GMDS: variants seen among roughly 807,000 people sequenced by gnomAD.
GMDS encodes GDP-mannose 4,6 dehydratase.
A neutral mutation model predicts 49.9 loss-of-function variants in GMDS; 20 were observed. The observed-to-expected ratio is 0.40, with a 90% CI of 0.28 to 0.58. The LOEUF (loss-of-function observed/expected upper bound fraction) is 0.58. Ranked by LOEUF, GMDS falls within the 20% of genes least tolerant of loss-of-function variation. The pLI, the probability that GMDS is intolerant of heterozygous loss-of-function variation, is 0.42. For synonymous variants in GMDS, 177 were observed against 178.6 expected, an observed-to-expected ratio of 0.99 and a Z score of 0.07; for missense variants, 362 against 481.4, an observed-to-expected ratio of 0.75 and a Z score of 2.32.
chr6:2,151,737 T>A (rs1043046471), intron 1 of GMDS, among the ~76,000 whole-genome samples: 1 of 152,140 alleles, frequency 6.6e-6, no homozygotes, highest in African/African-American at 2.4e-5. Context: ...TTCAATCAAT[T>A]TCTCATACTC....
At chr6:2,076,132 T>A (rs1399576183) in intron 4 of GMDS, among the ~76,000 whole-genome samples, 1 of 152,200 alleles carries the variant, frequency 6.6e-6, no homozygotes, top group East Asian at 1.9e-4. Flanking sequence ...GTCTGAGTTC[T>A]TTGTAGATTC....
chr6:1,968,149 A>C (rs994844076), intron 4 of GMDS, among the ~76,000 whole-genome samples: 1 of 152,254 alleles, frequency 6.6e-6, no homozygotes, highest in East Asian at 1.9e-4. Flanking sequence ...AACTATGTGA[A>C]ACTGAACAGA....
chr6:1,796,995 G>A (rs1442934350), intron 7 of GMDS, among the ~76,000 whole-genome samples: 5 of 152,190 alleles, frequency 3.3e-5, no homozygotes, highest in Non-Finnish European at 4.4e-5. Flanking sequence ...CATGACTGCT[G>A]TGTGCTCAAG....
In GMDS at chr6:2,080,201, T is replaced by C. The variant is rs146263291; in HGVS notation, c.345+35570A>G. On this transcript the variant is annotated intron_variant, in intron 4 of 10. Transcript: ENST00000380815. ...AACTATCTCTTTGGCAAATTTTTCA[T>C]TCATATCCTGCACTGTTTTTCTGAT... Among the ~76,000 whole-genome samples the C allele has an allele frequency of 3.2e-4, 49 of 152,346 alleles. No homozygotes were observed. The East Asian group carries it at 9.2e-3, about 29-fold the overall frequency.
chr6:1,885,421 T>G (rs1366629757), intron 7 of GMDS, among the ~76,000 whole-genome samples: 1 of 152,160 alleles, frequency 6.6e-6, no homozygotes, highest in Non-Finnish European at 1.5e-5. Flanking sequence ...AAGTGAAATG[T>G]TTAATCTGAA....
rs78627167 is a variant in GMDS at position 1,721,611 on chromosome 6, T to G, written c.987+4805A>C. On this transcript the variant is annotated intron_variant, in intron 9 of 10. Coordinates refer to ENST00000380815, the MANE Select transcript of GMDS (RefSeq NM_001500.4). ...CTCTGCAGAAAAAAAAGGGACTTTT[T>G]GTTTGTTTGACTGAAAAAAATCTCT... Among the ~76,000 whole-genome samples, 881 of 152,298 alleles carry G rather than the reference T, an allele frequency of 5.8e-3. 30 individuals are homozygous for G. In the East Asian group the frequency reaches 0.1, roughly 18 times the overall value.
intron 7 of GMDS, among the ~76,000 whole-genome samples, chr6:1,754,146 A>G (rs906048414): frequency 2.6e-5 from 4 of 152,182 alleles, no homozygotes; most frequent in Non-Finnish European, 4.4e-5. Flanking sequence ...ATCCAGAATA[A>G]TAAAGAAGAA....
At chr6:1,714,235 G>T (rs1766090162) in intron 9 of GMDS, among the ~76,000 whole-genome samples, 1 of 152,084 alleles carries the variant, frequency 6.6e-6, no homozygotes, top group African/African-American at 2.4e-5. Flanking sequence ...AGTCAGGATG[G>T]TCTCGATCTC....
At chr6:1,949,151 A>C (rs2127273871) in intron 6 of GMDS, 1 of 276,412 alleles carries the variant, frequency 3.6e-6, no homozygotes, top group East Asian at 1.7e-4. Flanking sequence ...ATATGAAATA[A>C]ATCTTCAAAA....
chr6:1,671,607 T>TGTATAAG (rs1764427560), intron 9 of GMDS, among the ~76,000 whole-genome samples: 6 of 152,096 alleles, frequency 3.9e-5, no homozygotes, highest in Admixed American at 3.9e-4. Context: ...TCCCTAAGTA[T>TGTATAAG]GTATAAGATA....
chr6:1,819,622 G>A (rs765252366), intron 7 of GMDS, among the ~76,000 whole-genome samples: 3 of 151,758 alleles, frequency 2.0e-5, no homozygotes, highest in Non-Finnish European at 4.4e-5. Context: ...TTAGCCAGGC[G>A]TGGGGGCAGG....
At chr6:2,241,759 A>T (rs1213892034) in intron 1 of GMDS, among the ~76,000 whole-genome samples, 1 of 152,214 alleles carries the variant, frequency 6.6e-6, no homozygotes, top group East Asian at 1.9e-4. Context: ...TGCTGGTGCC[A>T]TGCTTCTTGT....
intron 1 of GMDS, among the ~76,000 whole-genome samples, chr6:2,160,452 C>G (rs1777339507): frequency 6.6e-6 from 1 of 152,210 alleles, no homozygotes; most frequent in African/African-American, 2.4e-5. Flanking sequence ...GGTCTGACAC[C>G]AAACTCCAAC....
chr6:1,765,420 A>G (rs1164248694), intron 7 of GMDS, among the ~76,000 whole-genome samples: 2 of 151,932 alleles, frequency 1.3e-5, no homozygotes, highest in African/African-American at 4.8e-5. Flanking sequence ...GGTCTGAAAA[A>G]CCCCTCGAGC....
At chr6:1,678,690 T>C (rs2113300981) in intron 9 of GMDS, among the ~76,000 whole-genome samples, 1 of 152,316 alleles carries the variant, frequency 6.6e-6, no homozygotes, top group Non-Finnish European at 1.5e-5. Context: ...ATATTTTAAC[T>C]TAAGATTCAG....
intron 7 of GMDS, among the ~76,000 whole-genome samples, chr6:1,916,877 T>C (rs1761431126): frequency 6.7e-6 from 1 of 149,570 alleles, no homozygotes. Flanking sequence ...TTCAAGCTTC[T>C]TCAGGTTTTT....
At chr6:1,830,385 C>A (rs1157626298) in intron 7 of GMDS, among the ~76,000 whole-genome samples, 1 of 152,188 alleles carries the variant, frequency 6.6e-6, no homozygotes, top group Non-Finnish European at 1.5e-5. Flanking sequence ...GTAGCGACAA[C>A]CAAAATGTCT....
intron 1 of GMDS, among the ~76,000 whole-genome samples, chr6:2,200,794 T>A (rs1779485756): frequency 6.9e-6 from 1 of 144,220 alleles, no homozygotes; most frequent in Non-Finnish European, 1.5e-5. Flanking sequence ...AGGTGAAGGA[T>A]GAAGACAGAG....
At chr6:1,896,520 G>A (rs897226519) in intron 7 of GMDS, among the ~76,000 whole-genome samples, 1 of 152,118 alleles carries the variant, frequency 6.6e-6, no homozygotes, top group African/African-American at 2.4e-5. Flanking sequence ...AGAAAGTATA[G>A]ACGACTGACA....
Sources: allele counts gnomAD v4.1 joint callset (sites outside exome capture counted in the v4.1 genomes callset), GRCh38; gene constraint gnomAD v4.1.1; transcripts MANE v1.5; gene names NCBI Gene and HGNC (gene_info 2026-07-23, HGNC 2026-07-21).